Variants in ROBO1 observed in about 807,000 individuals in gnomAD.
ROBO1 encodes roundabout homolog 1.
ROBO1 carries 149 observed loss-of-function variants against 195.9 expected under a neutral mutation model. That is an observed-to-expected ratio of 0.76 (90% CI 0.67 to 0.87). The LOEUF (loss-of-function observed/expected upper bound fraction) is 0.87, where lower values mean the gene tolerates loss of function less well. Among genes scored for constraint, ROBO1 ranks in the 40% least tolerant of loss-of-function variants. ROBO1 has a pLI of 0.00. For synonymous variants in ROBO1, 816 were observed against 733.2 expected (o/e 1.11, Z -1.82); for missense variants, 1,933 against 2,068.3 (o/e 0.93, Z 1.27).
intron 1 of ROBO1, among the ~76,000 whole-genome samples, chr3:79,631,051 T>G (rs1178407644): frequency 2.0e-5 from 3 of 151,862 alleles, no homozygotes; most frequent in African/African-American, 7.2e-5. Flanking sequence ...GTACTATATT[T>G]TACATATAGG....
In ROBO1 at chr3:79,057,934, C is replaced by A. The variant is rs556955424; in HGVS notation, c.172+67522G>T. 5.9e-5 allele frequency among the ~76,000 whole-genome samples: 9 copies of A among 152,132 alleles called. No individual in the cohort carries two copies. In the South Asian group the frequency reaches 1.2e-3, roughly 21 times the overall value. Reference sequence around the variant, plus strand: ...TGTTACTATGGGTTACAGATACCCCCCTCTGTGCCTCAGACATGCACCTGG... The same window carrying A: ...TGTTACTATGGGTTACAGATACCCCACTCTGTGCCTCAGACATGCACCTGG... On this transcript the variant is annotated intron_variant, in intron 3 of 30. Transcript: ENST00000464233.
At chr3:78,614,578 T>TG (rs1157207946) in intron 28 of ROBO1, 70 bp downstream of exon 28, 22 of 1,496,538 alleles carry the variant, frequency 1.5e-5, no homozygotes, top group Non-Finnish European at 1.8e-5. Context: ...TGAATGCATT[T>TG]GCTAGTCCTA....
chr3:78,916,753 A>G (rs944517090), intron 4 of ROBO1, among the ~76,000 whole-genome samples: 5 of 152,166 alleles, frequency 3.3e-5, no homozygotes, highest in African/African-American at 1.2e-4. Flanking sequence ...TAAATAATGT[A>G]GTTTCTGGAA....
intron 3 of ROBO1, among the ~76,000 whole-genome samples, chr3:79,060,630 A>G (rs1396921724): frequency 1.3e-5 from 2 of 152,096 alleles, no homozygotes; most frequent in African/African-American, 2.4e-5. Context: ...CCAGCAGCAG[A>G]TAAGTAGAAG....
intron 3 of ROBO1, among the ~76,000 whole-genome samples, chr3:78,968,189 T>C (rs1275130789): frequency 6.6e-6 from 1 of 152,104 alleles, no homozygotes; most frequent in Non-Finnish European, 1.5e-5. Flanking sequence ...ATAAGGACCT[T>C]GAATGCTAAC....
At chr3:79,109,464 A>G (rs548389630) in intron 3 of ROBO1, among the ~76,000 whole-genome samples, 1 of 152,130 alleles carries the variant, frequency 6.6e-6, no homozygotes, top group South Asian at 2.1e-4. Flanking sequence ...TTTGTTTTAA[A>G]TTCTCTTTAA....
At position 79,399,343 on chromosome 3, in the gene ROBO1, G is replaced by A. The variant is rs79686728; in HGVS notation, c.88+190481C>T. ...TTGGTCTATAAGGCCCTACGTGACC[G>A]GCTGCCCCCCGACCTCCCACTGACT... On this transcript the variant is annotated intron_variant, in intron 2 of 30. Transcript: ENST00000464233. Among the ~76,000 whole-genome samples, 56 of 152,058 alleles carry A rather than the reference G, an allele frequency of 3.7e-4. 1 individual carries two copies. The East Asian group carries it at 9.5e-3, about 26-fold the overall frequency.
intron 1 of ROBO1, among the ~76,000 whole-genome samples, chr3:79,766,697 C>A (rs1705016087): frequency 6.6e-6 from 1 of 152,120 alleles, no homozygotes; most frequent in Non-Finnish European, 1.5e-5. Flanking sequence ...TGGGACCCAG[C>A]CGCGCGCGCA....
At chr3:79,472,114 T>A (rs1251468234) in intron 2 of ROBO1, among the ~76,000 whole-genome samples, 1 of 152,002 alleles carries the variant, frequency 6.6e-6, no homozygotes, top group East Asian at 1.9e-4. Flanking sequence ...AAAAAATTTA[T>A]CCAGGAAGAA....
intron 2 of ROBO1, among the ~76,000 whole-genome samples, chr3:79,573,832 T>C (rs73849618): frequency 0.015 from 2,222 of 152,248 alleles, 45 homozygotes; most frequent in African/African-American, 0.049. Context: ...ACCCAAGATA[T>C]GATAATTTTA....
At chr3:79,659,602 C>G (rs529768945) in intron 1 of ROBO1, among the ~76,000 whole-genome samples, 1 of 133,728 alleles carries the variant, frequency 7.5e-6, no homozygotes, top group Admixed American at 7.8e-5. Flanking sequence ...ACAATGGACC[C>G]AGAGTTCAGA....
chr3:79,628,983 C>G (rs1439850080), intron 1 of ROBO1, among the ~76,000 whole-genome samples: 1 of 151,484 alleles, frequency 6.6e-6, no homozygotes, highest in Non-Finnish European at 1.5e-5. Context: ...AACACCAGAG[C>G]ACACAGATTC....
At chr3:79,092,756 G>A (rs908191689) in intron 3 of ROBO1, among the ~76,000 whole-genome samples, 5 of 152,060 alleles carry the variant, frequency 3.3e-5, no homozygotes, top group African/African-American at 1.2e-4. Context: ...AGGTAGTAAT[G>A]GAGAAGCAGA....
At chr3:78,830,677 G>T (rs1202249979) in intron 4 of ROBO1, among the ~76,000 whole-genome samples, 2 of 152,062 alleles carry the variant, frequency 1.3e-5, no homozygotes, top group Middle Eastern at 3.2e-3. Context: ...CCTTCCACTG[G>T]CTCCCTCCCA....
At chr3:79,296,608 T>C (rs534498476) in intron 2 of ROBO1, among the ~76,000 whole-genome samples, 3 of 152,300 alleles carry the variant, frequency 2.0e-5, no homozygotes, top group East Asian at 1.9e-4. Flanking sequence ...AGATTTCCAA[T>C]TGAAATGGAA....
At chr3:79,654,094 C>T (rs548850953) in intron 1 of ROBO1, among the ~76,000 whole-genome samples, 1 of 152,050 alleles carries the variant, frequency 6.6e-6, no homozygotes, top group East Asian at 1.9e-4. Flanking sequence ...AAATAAGTTA[C>T]AAGCACGTTT....
chr3:79,646,923 G>A (rs1393152644), intron 1 of ROBO1, among the ~76,000 whole-genome samples: 2 of 151,884 alleles, frequency 1.3e-5, no homozygotes, highest in East Asian at 1.9e-4. Flanking sequence ...GAGGGAAAGG[G>A]GATAAAGAAA....
intron 2 of ROBO1, among the ~76,000 whole-genome samples, chr3:79,500,117 CTCTT>C: frequency 9.0e-6 from 1 of 110,616 alleles, no homozygotes; most frequent in South Asian, 3.1e-4. Context: ...AGTAAGTTTT[CTCTT>C]TTTTTTTTTT....
chr3:79,170,739 T>C (rs1212235906), intron 2 of ROBO1, among the ~76,000 whole-genome samples: 1 of 152,086 alleles, frequency 6.6e-6, no homozygotes, highest in East Asian at 1.9e-4. Flanking sequence ...TTTAAATACA[T>C]GTTAAATAAG....
Sources: gnomAD v4.1 joint callset for allele counts (sites outside exome capture counted in the v4.1 genomes callset) on GRCh38, gnomAD v4.1.1 for gene constraint, MANE v1.5 for transcripts, NCBI Gene and HGNC (gene_info 2026-07-23, HGNC 2026-07-21) for gene names.